SLC24A2: variants seen among roughly 807,000 people sequenced by gnomAD.
SLC24A2 encodes the protein sodium/potassium/calcium exchanger 2.
In SLC24A2, 36 loss-of-function variants were observed where a neutral mutation model predicts 62.0. The ratio of observed to expected loss-of-function variants is 0.58; its 90% CI spans 0.44 to 0.77. SLC24A2 has a LOEUF of 0.77. Among genes scored for constraint, SLC24A2 ranks in the 30% least tolerant of loss-of-function variants. The pLI, the probability that SLC24A2 is intolerant of heterozygous loss-of-function variation, is 0.00. For missense variants in SLC24A2, 846 were observed against 817.9 expected (o/e 1.03, Z -0.42); for synonymous variants, 358 against 294.0 (o/e 1.22, Z -2.23).
At chr9:20,041,380 A>G in the SLC24A2 span, among the ~76,000 whole-genome samples, 110 of 152,362 alleles carry the variant, frequency 7.2e-4, 1 homozygote, top group East Asian at 0.019. Context: ...TGTTTTTGCT[A>G]GTCTTGTCTC....
chr9:20,106,123 T>G, the SLC24A2 span, among the ~76,000 whole-genome samples: 1 of 152,054 alleles, frequency 6.6e-6, no homozygotes, highest in African/African-American at 2.4e-5. Flanking sequence ...TCCTTGACAC[T>G]TACACCCTCC....
chr9:19,672,884 T>A lies in SLC24A2; in HGVS notation c.931-50585A>T, dbSNP rs1384664672. On this transcript the variant is annotated intron_variant, in intron 2 of 10. Coordinates refer to ENST00000341998, the MANE Select transcript of SLC24A2 (RefSeq NM_020344.4). ...GAGTTGATTTCCAATTTTATTCCAC[T>A]GTTGTCTGAGACAGTACTTGATAAA... 2.0e-5 allele frequency among the ~76,000 whole-genome samples: 3 copies of A among 146,682 alleles called. No individual in the cohort carries two copies. In the East Asian group the frequency reaches 5.8e-4, roughly 28 times the overall value.
chr9:19,753,877 C>A (rs1416920818), intron 2 of SLC24A2, among the ~76,000 whole-genome samples: 1 of 152,120 alleles, frequency 6.6e-6, no homozygotes, highest in Non-Finnish European at 1.5e-5. Context: ...ATGAGACCCA[C>A]AAGCACTTTC....
At chr9:19,567,574 T>C (rs1011251964) in intron 7 of SLC24A2, among the ~76,000 whole-genome samples, 24 of 145,802 alleles carry the variant, frequency 1.6e-4, no homozygotes, top group Non-Finnish European at 3.0e-5. Context: ...AGGTAAGGAA[T>C]ATGTTCTTAT....
At chr9:19,597,826 C>G (rs1228231656) in intron 4 of SLC24A2, among the ~76,000 whole-genome samples, 1 of 152,182 alleles carries the variant, frequency 6.6e-6, no homozygotes, top group Non-Finnish European at 1.5e-5. Context: ...ATATTTTAGA[C>G]AGACAACACA....
At chr9:20,102,219 C>G in the SLC24A2 span, among the ~76,000 whole-genome samples, 6 of 151,998 alleles carry the variant, frequency 3.9e-5, no homozygotes, top group Non-Finnish European at 2.9e-5. Context: ...TAAAAAGTGT[C>G]CTAAGAGAGA....
the SLC24A2 span, among the ~76,000 whole-genome samples, chr9:19,807,025 CAG>C: frequency 7.2e-5 from 11 of 152,278 alleles, no homozygotes; most frequent in South Asian, 2.1e-3. Context: ...CATGTCAAAA[CAG>C]ACACTGAAAG....
intron 9 of SLC24A2, among the ~76,000 whole-genome samples, chr9:19,526,859 A>C (rs942483842): frequency 1.3e-5 from 2 of 152,052 alleles, no homozygotes; most frequent in African/African-American, 4.8e-5. Flanking sequence ...GAAATTAATT[A>C]ATCAATTTTC....
rs143429626 is a variant in SLC24A2, at chr9:19,565,809, C to T, written c.1347+7542G>A. On this transcript the variant is annotated intron_variant, in intron 7 of 10. Coordinates refer to ENST00000341998, the MANE Select transcript of SLC24A2 (RefSeq NM_020344.4). Reference sequence around the variant, plus strand: ...AGAACAGAGCCCCCACTAATAATACCACACATCTATAACCATCTGATCTTT... The same window carrying T: ...AGAACAGAGCCCCCACTAATAATACTACACATCTATAACCATCTGATCTTT... Among the ~76,000 whole-genome samples, 673 of 152,160 alleles carry T rather than the reference C, an allele frequency of 4.4e-3. 3 individuals are homozygous for T. The highest frequency in any genetic ancestry group is 0.016 in the African/African-American group (649 of 41,444).
At chr9:19,561,314 T>C (rs1328217744) in intron 7 of SLC24A2, among the ~76,000 whole-genome samples, 1 of 145,096 alleles carries the variant, frequency 6.9e-6, no homozygotes, top group Non-Finnish European at 1.5e-5. Context: ...ATCCATAAGA[T>C]AAGTGAAAAA....
intron 8 of SLC24A2, among the ~76,000 whole-genome samples, chr9:19,541,578 T>C (rs980055255): frequency 3.5e-5 from 5 of 144,670 alleles, no homozygotes; most frequent in African/African-American, 1.4e-4. Context: ...GATCTCCAGC[T>C]GCGTGCTGGG....
At chr9:20,119,709 C>G in the SLC24A2 span, among the ~76,000 whole-genome samples, 1 of 152,152 alleles carries the variant, frequency 6.6e-6, no homozygotes, top group African/African-American at 2.4e-5. Flanking sequence ...ACAAGAATGC[C>G]TGAGCTCATC....
chr9:19,602,365 G>T (rs1398584608), intron 4 of SLC24A2, among the ~76,000 whole-genome samples: 1 of 152,144 alleles, frequency 6.6e-6, no homozygotes, highest in Non-Finnish European at 1.5e-5. Context: ...GACCACCCAG[G>T]ATTTGAACCT....
At chr9:19,693,203 G>C (rs576987666) in intron 2 of SLC24A2, among the ~76,000 whole-genome samples, 1 of 152,146 alleles carries the variant, frequency 6.6e-6, no homozygotes, top group Admixed American at 6.5e-5. Flanking sequence ...ATACCCAAAG[G>C]ATTATAAATC....
At chr9:20,277,321 T>C in the SLC24A2 span, among the ~76,000 whole-genome samples, 1 of 151,766 alleles carries the variant, frequency 6.6e-6, no homozygotes, top group African/African-American at 2.4e-5. Flanking sequence ...GGAGAAAATT[T>C]TTACAATCTA....
rs559989813 is a variant in SLC24A2, at chr9:19,513,300, A to G, written c.*2853T>C. 15 of 151,770 alleles carry G rather than the reference A, an allele frequency of 9.9e-5. No homozygotes were observed. Among genetic ancestry groups the G allele is most frequent in the Admixed American group, 4.6e-4 (7 of 15,194 alleles). The allele number at this position is 151,770 out of a possible 1,614,324, so 9.4% of individuals were successfully genotyped here. A position where few individuals can be genotyped will look rare whatever the true frequency, so the allele number is the denominator to read the frequency against. On this transcript the variant is annotated 3_prime_UTR_variant, in exon 11 of 11. Transcript: ENST00000341998. ...TCTTATAATTATGCCAATGATTTGA[A>G]TGGTTTAAAGACCCATTGTTGAACT...
the SLC24A2 span, among the ~76,000 whole-genome samples, chr9:20,153,041 C>T: frequency 6.6e-6 from 1 of 151,924 alleles, no homozygotes; most frequent in African/African-American, 2.4e-5. Context: ...TAAGTTAAAA[C>T]ATTTAAAAGC....
At chr9:19,566,212 C>T (rs968625456) in intron 7 of SLC24A2, among the ~76,000 whole-genome samples, 11 of 150,622 alleles carry the variant, frequency 7.3e-5, no homozygotes, top group African/African-American at 2.4e-4. Flanking sequence ...TTGCAATCTA[C>T]TCATCTGACA....
At chr9:20,182,063 C>G in the SLC24A2 span, among the ~76,000 whole-genome samples, 1 of 152,146 alleles carries the variant, frequency 6.6e-6, no homozygotes, top group African/African-American at 2.4e-5. Context: ...AAATGCAAAT[C>G]AAAACCACAA....
Sources: allele counts gnomAD v4.1 joint callset (sites outside exome capture counted in the v4.1 genomes callset), GRCh38; gene constraint gnomAD v4.1.1; transcripts MANE v1.5; gene names NCBI Gene and HGNC (gene_info 2026-07-23, HGNC 2026-07-21).